HYDIN: variants seen among roughly 807,000 people sequenced by gnomAD.
The protein encoded by HYDIN is HYDIN axonemal central pair apparatus protein, also known as axonemal central pair apparatus protein HYDIN.
In HYDIN, 132 loss-of-function variants were observed where a neutral mutation model predicts 403.9. That is an observed-to-expected ratio of 0.33 (90% confidence interval 0.28 to 0.38). The LOEUF (loss-of-function observed/expected upper bound fraction) is 0.38. Ranked by LOEUF, HYDIN falls within the 10% of genes least tolerant of loss-of-function variation. The pLI, the probability that HYDIN is intolerant of heterozygous loss-of-function variation, is 1.00. For missense variants in HYDIN, 2,827 were observed against 5,009.5 expected (o/e 0.56, Z 13.15); for synonymous variants, 1,202 against 1,891.7 (o/e 0.64, Z 9.46).
At chr16:70,833,287 CT>C (rs1257658615) in intron 79 of HYDIN, among the ~76,000 whole-genome samples, 1 of 146,796 alleles carries the variant, frequency 6.8e-6, no homozygotes, top group Non-Finnish European at 1.5e-5. Context: ...CTTTGCAGAG[CT>C]GAGCCAAGGG....
chr16:70,879,047 A>T (rs1222749143), intron 62 of HYDIN, among the ~76,000 whole-genome samples: 1 of 150,980 alleles, frequency 6.6e-6, no homozygotes, highest in Admixed American at 6.6e-5. Flanking sequence ...CTACCCACTC[A>T]GCTTGGTGCA....
chr16:71,060,153 T>C (rs1468918685), intron 18 of HYDIN, among the ~76,000 whole-genome samples: 6 of 151,482 alleles, frequency 4.0e-5, no homozygotes, highest in Admixed American at 6.6e-5. Context: ...TACAGTTCAG[T>C]AGGGGAGCTT....
In HYDIN at chr16:70,802,385, T is replaced by A. The variant is rs1300714978; in HGVS notation, c.*5195A>T. 1 of 152,144 alleles carries A rather than the reference T, an allele frequency of 6.6e-6. No homozygotes were observed. Among genetic ancestry groups the A allele is most frequent in the Non-Finnish European group, 1.5e-5 (1 of 68,020 alleles). The allele number at this position is 152,144 out of a possible 1,614,324, so 9.4% of individuals were successfully genotyped here. A position where few individuals can be genotyped will look rare whatever the true frequency, so the allele number is the denominator to read the frequency against. On this transcript the variant is annotated 3_prime_UTR_variant, in exon 86 of 86. Transcript: ENST00000393567. The stretch of plus-strand genomic sequence containing the variant: ...ATTAAGGTCCCTAATCAGCAGACAT[T>A]GAATTAATAAAAAGAGAGATTAACT...
chr16:71,090,836 T>C (rs201640896), intron 11 of HYDIN, among the ~76,000 whole-genome samples: 21 of 149,090 alleles, frequency 1.4e-4, no homozygotes, highest in East Asian at 1.2e-3. Flanking sequence ...CAGTGCCTAA[T>C]AGAATGGGTT....
chr16:70,866,608 A>C (rs915635672), intron 66 of HYDIN, among the ~76,000 whole-genome samples: 3 of 152,228 alleles, frequency 2.0e-5, no homozygotes, highest in African/African-American at 4.8e-5. Flanking sequence ...TCAAAAAAAC[A>C]AGTCTTAAAA....
chr16:70,854,147 T>A (rs2038861048), intron 73 of HYDIN, among the ~76,000 whole-genome samples: 2 of 152,124 alleles, frequency 1.3e-5, no homozygotes, highest in African/African-American at 4.8e-5. Context: ...CCCAAAGTGC[T>A]GGGATTACAG....
intron 23 of HYDIN, among the ~76,000 whole-genome samples, chr16:71,012,726 TA>T (rs1302230556): frequency 6.6e-6 from 1 of 152,220 alleles, no homozygotes; most frequent in Non-Finnish European, 1.5e-5. Flanking sequence ...AGAAGAATCC[TA>T]ACTGGATAAG....
At chr16:70,872,229 G>C (rs2040154702) in intron 64 of HYDIN, 50 bp from the exon 65 acceptor site, 1 of 796,458 alleles carries the variant, frequency 1.3e-6, no homozygotes, top group South Asian at 1.8e-5. Context: ...CTCCCCTGAG[G>C]GCCTGCTGCC....
At chr16:70,875,886 A>G (rs1303769968) in intron 62 of HYDIN, among the ~76,000 whole-genome samples, 1 of 152,244 alleles carries the variant, frequency 6.6e-6, no homozygotes, top group African/African-American at 2.4e-5. Flanking sequence ...GAATGGGTGG[A>G]TAGGAATTCA....
intron 9 of HYDIN, 70 bp downstream of exon 9, chr16:71,129,570 G>A (rs1018993329): frequency 1.7e-5 from 24 of 1,419,276 alleles, no homozygotes; most frequent in Admixed American, 1.6e-4. Flanking sequence ...CCAAGTGAGC[G>A]CTCTTATCAA....
rs2035156381 is a variant in HYDIN, at chr16:70,807,421, A to G, written c.*159T>C. The G allele has an allele frequency of 1.4e-6, 1 of 732,198 alleles. No homozygotes were observed. Among genetic ancestry groups the G allele is most frequent in the African/African-American group, 1.8e-5 (1 of 56,304 alleles). 45.4% of individuals were successfully genotyped at this position (732,198 alleles called of 1,614,324 possible). On this transcript the variant is annotated 3_prime_UTR_variant, in exon 86 of 86. Coordinates refer to ENST00000393567, the MANE Select transcript of HYDIN (RefSeq NM_001270974.2). The stretch of plus-strand genomic sequence containing the variant: ...ATGTTTAATATGGAATAGATATTTC[A>G]TATCTATATTTGGAAAACACATAAT...
chr16:70,932,807 C>T (rs1480737968), intron 45 of HYDIN, among the ~76,000 whole-genome samples: 5 of 152,192 alleles, frequency 3.3e-5, no homozygotes, highest in African/African-American at 7.2e-5. Flanking sequence ...GTTCACCCAT[C>T]GAATCTAGTC....
At chr16:70,990,710 A>C (rs991675426) in intron 25 of HYDIN, among the ~76,000 whole-genome samples, 2 of 152,202 alleles carry the variant, frequency 1.3e-5, no homozygotes, top group African/African-American at 2.4e-5. Context: ...TGCAGTGTAC[A>C]AGGATGGTTA....
chr16:70,841,193 T>C (rs988234464), intron 75 of HYDIN, among the ~76,000 whole-genome samples: 2 of 152,230 alleles, frequency 1.3e-5, no homozygotes, highest in Non-Finnish European at 2.9e-5. Flanking sequence ...GTGCAGGATA[T>C]GCAGGTTTGT....
intron 80 of HYDIN, among the ~76,000 whole-genome samples, chr16:70,830,580 GAC>G (rs2036910482): frequency 6.9e-6 from 1 of 144,262 alleles, no homozygotes; most frequent in Admixed American, 7.0e-5. Flanking sequence ...TTAACTAGAA[GAC>G]ACTTGCAATA....
At chr16:70,970,311 C>T (rs1283789296) in intron 36 of HYDIN, among the ~76,000 whole-genome samples, 1 of 86,092 alleles carries the variant, frequency 1.2e-5, no homozygotes, top group Non-Finnish European at 2.2e-5. Flanking sequence ...TGACAAGTTG[C>T]TATATACGGT....
intron 10 of HYDIN, among the ~76,000 whole-genome samples, chr16:71,111,457 G>C (rs900065805): frequency 4.6e-5 from 7 of 152,228 alleles, no homozygotes; most frequent in Admixed American, 6.5e-5. Flanking sequence ...GTTCAAGACA[G>C]CCAAGGAAAG....
chr16:71,042,544 A>G (rs1319520499), intron 18 of HYDIN, among the ~76,000 whole-genome samples: 1 of 151,938 alleles, frequency 6.6e-6, no homozygotes, highest in African/African-American at 2.4e-5. Context: ...AGATATTTGC[A>G]CTTGCACCAT....
chr16:70,879,742 G>A lies in HYDIN; in HGVS notation c.10230C>T (p.Ile3410=), dbSNP rs368327358. The A allele has an allele frequency of 1.7e-5, 21 of 1,271,824 alleles. No homozygotes were observed. The highest frequency in any genetic ancestry group is 4.1e-4 in the Middle Eastern group (2 of 4,872). 78.8% of individuals were successfully genotyped at this position (1,271,824 alleles called of 1,614,324 possible). Residue 3410 remains isoleucine (I), a synonymous_variant, in exon 61 of 86, where the codon ATC becomes ATT. Coordinates refer to ENST00000393567, the MANE Select transcript of HYDIN (RefSeq NM_001270974.2). ...TGGGTTCCACTTCAAAAATGTCGAC[G>A]ATGCGGGCAAAGGGCTGGTGATGGG... ...RPISNKPFAR[I]VDIFEVEPSK...
Sources: gnomAD v4.1 joint callset for allele counts (sites outside exome capture counted in the v4.1 genomes callset) on GRCh38, gnomAD v4.1.1 for gene constraint, MANE v1.5 for transcripts, NCBI Gene and HGNC (gene_info 2026-07-23, HGNC 2026-07-21) for gene names.